Variants in PPP1R9A observed in about 807,000 individuals in gnomAD.
The protein encoded by PPP1R9A is protein phosphatase 1 regulatory subunit 9A, also known as neurabin-1.
PPP1R9A carries 59 observed loss-of-function variants against 141.9 expected under a neutral mutation model. The observed-to-expected ratio is 0.42, with a 90% CI of 0.34 to 0.52. PPP1R9A has a LOEUF of 0.52. Ranked by LOEUF, PPP1R9A falls within the 20% of genes least tolerant of loss-of-function variation. The probability of loss-of-function intolerance (pLI) is 0.10; values close to 1 mark genes in which losing one functional copy is unlikely to be tolerated. For synonymous variants in PPP1R9A, 500 were observed against 569.7 expected (o/e 0.88, Z 1.74); for missense variants, 1,444 against 1,611.9 (o/e 0.90, Z 1.78).
chr7:94,985,238 C>G (rs1435181687), intron 2 of PPP1R9A, among the ~76,000 whole-genome samples: 2 of 151,228 alleles, frequency 1.3e-5, no homozygotes, highest in African/African-American at 4.8e-5. Context: ...CTGAGGAGTG[C>G]TTTACTATGT....
intron 2 of PPP1R9A, among the ~76,000 whole-genome samples, chr7:95,070,487 A>C (rs1813604220): frequency 6.6e-6 from 1 of 151,684 alleles, no homozygotes; most frequent in Non-Finnish European, 1.5e-5. Flanking sequence ...AAGGAAGGAA[A>C]TAAACAGCTT....
intron 6 of PPP1R9A, among the ~76,000 whole-genome samples, chr7:95,200,000 A>G (rs1441639239): frequency 3.3e-5 from 5 of 151,962 alleles, no homozygotes; most frequent in Non-Finnish European, 7.4e-5. Context: ...GGAAGGGGAC[A>G]TGGCCAGGCT....
chr7:95,043,206 C>A (rs1432966305), intron 2 of PPP1R9A, among the ~76,000 whole-genome samples: 2 of 152,074 alleles, frequency 1.3e-5, no homozygotes, highest in African/African-American at 4.8e-5. Flanking sequence ...CTTGAGTTTT[C>A]TTTTACTTGA....
rs897537652 is a variant in PPP1R9A, at chr7:95,025,259, G to C, written c.1396-86000G>C. Among the ~76,000 whole-genome samples the C allele has an allele frequency of 3.9e-5, 6 of 152,058 alleles. No homozygotes were observed. In the East Asian group the frequency reaches 1.2e-3, roughly 29 times the overall value. On this transcript the variant is annotated intron_variant, in intron 2 of 19. Transcript: ENST00000433360. Reference sequence around the variant, plus strand: ...TTTTTGTATTTTTAGTAGAGACGGGGTTTCACCATGTTGGCCAGGCTGTTC... The same window carrying C: ...TTTTTGTATTTTTAGTAGAGACGGGCTTTCACCATGTTGGCCAGGCTGTTC...
intron 4 of PPP1R9A, chr7:95,154,733 T>C (rs893515164): frequency 6.6e-6 from 1 of 152,090 alleles, no homozygotes; most frequent in African/African-American, 2.4e-5. Context: ...ACAGAGAAAA[T>C]TGTAGCTTTA....
chr7:94,994,094 G>C (rs756286551), intron 2 of PPP1R9A, among the ~76,000 whole-genome samples: 2 of 151,978 alleles, frequency 1.3e-5, no homozygotes, highest in African/African-American at 4.8e-5. Context: ...CAGAAATGAA[G>C]ACTTAAAGAC....
At chr7:94,952,461 G>A (rs1429384239) in intron 2 of PPP1R9A, among the ~76,000 whole-genome samples, 2 of 152,134 alleles carry the variant, frequency 1.3e-5, no homozygotes, top group Admixed American at 1.3e-4. Flanking sequence ...TATCCTTTGA[G>A]TATATACCCA....
chr7:95,088,557 G>A (rs753686583), intron 2 of PPP1R9A, among the ~76,000 whole-genome samples: 11 of 151,970 alleles, frequency 7.2e-5, no homozygotes, highest in Non-Finnish European at 1.5e-4. Flanking sequence ...TTGGAAGTTC[G>A]AGAAGCCTAT....
chr7:95,205,966 A>G (rs1333519839), intron 7 of PPP1R9A, among the ~76,000 whole-genome samples: 2 of 150,960 alleles, frequency 1.3e-5, no homozygotes, highest in Admixed American at 1.3e-4. Flanking sequence ...GTAAAACCAG[A>G]AAAAAAAACA....
At chr7:94,926,557 GAAAAT>G in intron 2 of PPP1R9A, among the ~76,000 whole-genome samples, 3 of 152,098 alleles carry the variant, frequency 2.0e-5, no homozygotes, top group African/African-American at 7.2e-5. Context: ...TCTATATTCT[GAAAAT>G]GAAAGTTATC....
intron 4 of PPP1R9A, among the ~76,000 whole-genome samples, chr7:95,137,362 G>C (rs1474696340): frequency 1.4e-5 from 2 of 139,184 alleles, no homozygotes; most frequent in Non-Finnish European, 3.0e-5. Flanking sequence ...GCGATAGTTT[G>C]CTGAGAATGA....
At chr7:95,152,370 A>G (rs895654110) in intron 4 of PPP1R9A, among the ~76,000 whole-genome samples, 1 of 152,176 alleles carries the variant, frequency 6.6e-6, no homozygotes, top group African/African-American at 2.4e-5. Context: ...TTAAGTTAAT[A>G]TTTTACAGTA....
chr7:95,177,511 T>C (rs1046387757), intron 5 of PPP1R9A, among the ~76,000 whole-genome samples: 6 of 152,028 alleles, frequency 3.9e-5, no homozygotes, highest in African/African-American at 1.2e-4. Context: ...GCATGACGTA[T>C]GGAATGGTAC....
chr7:94,944,942 A>T (rs1357923501), intron 2 of PPP1R9A, among the ~76,000 whole-genome samples: 1 of 152,056 alleles, frequency 6.6e-6, no homozygotes, highest in Non-Finnish European at 1.5e-5. Context: ...GATGACGTAT[A>T]ATGTCTGTGT....
chr7:95,099,521 C>T (rs1250699906), intron 2 of PPP1R9A, among the ~76,000 whole-genome samples: 1 of 152,172 alleles, frequency 6.6e-6, no homozygotes, highest in Non-Finnish European at 1.5e-5. Flanking sequence ...TCCCAGTTCT[C>T]TGTTAAAAAA....
chr7:95,018,778 C>G, intron 2 of PPP1R9A, among the ~76,000 whole-genome samples: 1 of 152,130 alleles, frequency 6.6e-6, no homozygotes. Flanking sequence ...AGGACCAATG[C>G]AAACATGAAG....
At position 95,215,433 on chromosome 7, in the gene PPP1R9A, C is replaced by T. The variant is rs906878920; in HGVS notation, c.1957-10528C>T. On this transcript the variant is annotated intron_variant, in intron 7 of 19. Transcript: ENST00000433360. ...TGTGAATAGTGCCACAATAAACATA[C>T]GTGTGCATGTGTCTTTATAGCAGCA... 4.6e-5 allele frequency among the ~76,000 whole-genome samples: 7 copies of T among 152,024 alleles called. No homozygotes were observed. The East Asian group carries it at 5.8e-4, about 13-fold the overall frequency.
At chr7:95,153,800 G>A (rs1264566755) in intron 4 of PPP1R9A, among the ~76,000 whole-genome samples, 1 of 152,124 alleles carries the variant, frequency 6.6e-6, no homozygotes, top group Non-Finnish European at 1.5e-5. Flanking sequence ...CTTTATTACT[G>A]AGTCAATCTC....
chr7:95,193,004 G>A (rs1320845499), intron 5 of PPP1R9A, among the ~76,000 whole-genome samples: 1 of 152,000 alleles, frequency 6.6e-6, no homozygotes, highest in East Asian at 1.9e-4. Context: ...TAACAATAGT[G>A]CATTCAAATT....
Sources: allele counts gnomAD v4.1 joint callset (sites outside exome capture counted in the v4.1 genomes callset), GRCh38; gene constraint gnomAD v4.1.1; transcripts MANE v1.5; gene names NCBI Gene and HGNC (gene_info 2026-07-23, HGNC 2026-07-21).